The following PRKCA variants were observed in gnomAD, a reference collection of about 807,000 sequenced individuals.
PRKCA encodes the protein protein kinase C alpha type.
In PRKCA, 27 loss-of-function variants were observed where a neutral mutation model predicts 87.0. That is an observed-to-expected ratio of 0.31 (90% CI 0.23 to 0.43). PRKCA has a LOEUF of 0.43. PRKCA is among the 20% of genes least tolerant of loss of function. The pLI, the probability that PRKCA is intolerant of heterozygous loss-of-function variation, is 1.00. For synonymous variants in PRKCA, 329 were observed against 311.1 expected (o/e 1.06, Z -0.61); for missense variants, 518 against 852.3 (o/e 0.61, Z 4.88).
At chr17:66,801,722 C>T (rs1318782471) in intron 16 of PRKCA, among the ~76,000 whole-genome samples, 1 of 152,162 alleles carries the variant, frequency 6.6e-6, no homozygotes, top group Non-Finnish European at 1.5e-5. Context: ...AGAGTGGAAG[C>T]TTTGCCAGCC....
intron 16 of PRKCA, 150 bp downstream of exon 16, chr17:66,789,129 C>G: frequency 1.0e-6 from 1 of 972,998 alleles, no homozygotes; most frequent in East Asian, 2.6e-5. Flanking sequence ...TGTCCTCAGT[C>G]CTGTGGCCTC....
chr17:66,547,787 A>G (rs968916859), intron 3 of PRKCA, among the ~76,000 whole-genome samples: 1 of 152,176 alleles, frequency 6.6e-6, no homozygotes, highest in Non-Finnish European at 1.5e-5. Context: ...CACCAGTTCA[A>G]CTCAAATATT....
intron 8 of PRKCA, among the ~76,000 whole-genome samples, chr17:66,726,646 G>A (rs552496655): frequency 1.3e-5 from 2 of 152,084 alleles, no homozygotes; most frequent in Non-Finnish European, 2.9e-5. Context: ...AGAGCAGAGC[G>A]AGTGTCCTCC....
intron 2 of PRKCA, among the ~76,000 whole-genome samples, chr17:66,348,133 G>C (rs1907518220): frequency 6.6e-6 from 1 of 151,424 alleles, no homozygotes; most frequent in African/African-American, 2.4e-5. Flanking sequence ...GTAGAGATGG[G>C]GTTTCACCAT....
chr17:66,368,683 T>C (rs1908912955), intron 2 of PRKCA, among the ~76,000 whole-genome samples: 1 of 152,078 alleles, frequency 6.6e-6, no homozygotes, highest in South Asian at 2.1e-4. Flanking sequence ...TAAGCCACCA[T>C]GCCTGGTCTC....
At chr17:66,663,589 G>A (rs1457853563) in intron 5 of PRKCA, among the ~76,000 whole-genome samples, 1 of 152,194 alleles carries the variant, frequency 6.6e-6, no homozygotes, top group Non-Finnish European at 1.5e-5. Context: ...TTAGCCAGAC[G>A]AAGTTCTAGC....
At chr17:66,481,454 C>G (rs1915771254) in intron 2 of PRKCA, among the ~76,000 whole-genome samples, 1 of 152,152 alleles carries the variant, frequency 6.6e-6, no homozygotes, top group African/African-American at 2.4e-5. Flanking sequence ...CAGCTCCTTC[C>G]TGATTTCATG....
At chr17:66,463,040 A>AG (rs1174884203) in intron 2 of PRKCA, among the ~76,000 whole-genome samples, 1 of 152,024 alleles carries the variant, frequency 6.6e-6, no homozygotes, top group Non-Finnish European at 1.5e-5. Flanking sequence ...GACTCCAGAG[A>AG]GGTTGGCTTA....
intron 2 of PRKCA, among the ~76,000 whole-genome samples, chr17:66,307,995 A>T (rs1237221779): frequency 6.6e-6 from 1 of 152,172 alleles, no homozygotes; most frequent in Non-Finnish European, 1.5e-5. Context: ...GATGGTGGAT[A>T]TTCTTCCACA....
intron 2 of PRKCA, among the ~76,000 whole-genome samples, chr17:66,450,143 T>C (rs1235533576): frequency 1.3e-5 from 2 of 152,128 alleles, no homozygotes; most frequent in Non-Finnish European, 2.9e-5. Context: ...TAACTCATAC[T>C]GAGTGGAGTT....
chr17:66,772,147 G>A (rs1974946793), intron 13 of PRKCA, among the ~76,000 whole-genome samples: 1 of 152,120 alleles, frequency 6.6e-6, no homozygotes, highest in Admixed American at 6.5e-5. Context: ...TCTGGGAACT[G>A]GAATGAGATG....
intron 5 of PRKCA, among the ~76,000 whole-genome samples, chr17:66,666,384 G>A (rs965324699): frequency 6.6e-6 from 1 of 152,158 alleles, no homozygotes; most frequent in Non-Finnish European, 1.5e-5. Flanking sequence ...GCCGCTCCTT[G>A]GACCTGTGTC....
intron 2 of PRKCA, among the ~76,000 whole-genome samples, chr17:66,425,000 G>T (rs143986402): frequency 6.6e-6 from 1 of 151,968 alleles, no homozygotes; most frequent in Non-Finnish European, 1.5e-5. Flanking sequence ...GGGCTCCAGC[G>T]ATCCACCCTC....
At chr17:66,591,226 C>A (rs553738414) in intron 3 of PRKCA, among the ~76,000 whole-genome samples, 23 of 152,212 alleles carry the variant, frequency 1.5e-4, no homozygotes, top group African/African-American at 5.3e-4. Flanking sequence ...GATCAGGGCT[C>A]GCTGTAGCCT....
chr17:66,589,872 T>C (rs1969743616), intron 3 of PRKCA, among the ~76,000 whole-genome samples: 1 of 152,182 alleles, frequency 6.6e-6, no homozygotes, highest in Non-Finnish European at 1.5e-5. Flanking sequence ...AGGATGAAAC[T>C]TTCCACCTCA....
chr17:66,797,702 C>A (rs1418984592), intron 16 of PRKCA, among the ~76,000 whole-genome samples: 2 of 152,210 alleles, frequency 1.3e-5, no homozygotes, highest in African/African-American at 4.8e-5. Flanking sequence ...TCCTTCTCCC[C>A]TCTGTGTCCC....
At chr17:66,358,770 C>G (rs570464952) in intron 2 of PRKCA, among the ~76,000 whole-genome samples, 1 of 152,008 alleles carries the variant, frequency 6.6e-6, no homozygotes, top group Admixed American at 6.6e-5. Context: ...ATTGCTGATT[C>G]ATTTAATGAT....
rs182768235 is a variant in PRKCA, at chr17:66,642,134, A to C, written c.400+668A>C. On this transcript the variant is annotated intron_variant, in intron 4 of 16. Coordinates refer to ENST00000413366, the MANE Select transcript of PRKCA (RefSeq NM_002737.3). ...ACTATGAAGACTCTTTGCTTTGATC[A>C]TTTTTTTTTTTTGGAGACGGAGTCT... is the stretch of plus-strand genomic sequence containing the variant. Among the ~76,000 whole-genome samples the C allele has an allele frequency of 9.3e-4, 135 of 144,952 alleles. 1 individual carries two copies. In the Middle Eastern group the frequency reaches 0.018, roughly 19 times the overall value.
At chr17:66,576,259 G>A (rs1308748450) in intron 3 of PRKCA, among the ~76,000 whole-genome samples, 1 of 152,228 alleles carries the variant, frequency 6.6e-6, no homozygotes, top group African/African-American at 2.4e-5. Context: ...GTGCGCGGTT[G>A]CTCTACCAAA....
Sources: gnomAD v4.1 joint callset for allele counts (sites outside exome capture counted in the v4.1 genomes callset) on GRCh38, gnomAD v4.1.1 for gene constraint, MANE v1.5 for transcripts, NCBI Gene and HGNC (gene_info 2026-07-23, HGNC 2026-07-21) for gene names.